MLXIPL: variants seen among roughly 807,000 people sequenced by gnomAD.
The protein encoded by MLXIPL is carbohydrate-responsive element-binding protein.
MLXIPL carries 49 observed loss-of-function variants against 81.5 expected under a neutral mutation model. That is an observed-to-expected ratio of 0.60 (90% CI 0.48 to 0.76). The LOEUF is 0.76. Among genes scored for constraint, MLXIPL ranks in the 30% least tolerant of loss-of-function variants. The pLI, the probability that MLXIPL is intolerant of heterozygous loss-of-function variation, is 0.00. For synonymous variants in MLXIPL, 466 were observed against 485.5 expected, an observed-to-expected ratio of 0.96 and a Z score of 0.53; for missense variants, 1,053 against 1,167.0, an observed-to-expected ratio of 0.90 and a Z score of 1.42.
Position 73,597,526 on chromosome 7 carries a change from G to A in MLXIPL, c.1259C>T (p.Pro420Leu). Residue 420 changes from proline (P) to leucine (L), a missense_variant, in exon 9 of 17, where the codon CCA (proline) becomes CTA (leucine). Pro to Leu is a moderately conservative substitution (Grantham distance 98). This residue lies in a region of MLXIPL where 823 missense variants were observed against 933.0 expected (regional missense o/e 0.88). Coordinates refer to ENST00000313375, the MANE Select transcript of MLXIPL (RefSeq NM_032951.3). ...CPPPPFPPMA[P>L]PTALLQEEPL... Reference sequence around the variant, plus strand: ...CTCTTCCTGCAGCAAAGCAGTGGGTGGTGCCATGGGAGGGAAGGGAGGTGG... The same window carrying A: ...CTCTTCCTGCAGCAAAGCAGTGGGTAGTGCCATGGGAGGGAAGGGAGGTGG... 3.6e-6 allele frequency: 5 copies of A among 1,388,692 alleles called. No individual in the cohort carries two copies. The highest frequency in any genetic ancestry group is 4.7e-6 in the Non-Finnish European group (5 of 1,068,824). 86.0% of individuals were successfully genotyped at this position (1,388,692 alleles called of 1,614,324 possible).
chr7:73,636,087 A>G, the MLXIPL span, among the ~76,000 whole-genome samples: 1 of 152,126 alleles, frequency 6.6e-6, no homozygotes, highest in Non-Finnish European at 1.5e-5. Flanking sequence ...GGCTCTCTAG[A>G]AGAAACTGTG....
At position 73,624,465 on chromosome 7, in the gene MLXIPL, C is replaced by A; in HGVS notation, c.28G>T (p.Ala10Ser). 1 of 1,543,064 alleles carries A rather than the reference C, an allele frequency of 6.5e-7. No homozygotes were observed. The highest frequency in any genetic ancestry group is 8.7e-7 in the Non-Finnish European group (1 of 1,152,414). The change falls in exon 1 of 17, where the codon GCG (alanine) becomes TCG (serine). Residue 10 changes from alanine (A) to serine (S), a missense_variant. Ala to Ser is a moderately conservative substitution (Grantham distance 99). Around this residue, in one of 3 missense-constraint regions of MLXIPL, gnomAD observed 226 missense variants for 216.2 expected, o/e 1.05. Coordinates refer to ENST00000313375, the MANE Select transcript of MLXIPL (RefSeq NM_032951.3). MAGALAGLAAGLQVPRVAPS... is the reference protein window; with the variant it reads MAGALAGLASGLQVPRVAPS... ...GCGACCCGCGGGACCTGCAAGCCCG[C>A]GGCCAGACCTGCCAGCGCGCCGGCC...
intron 1 of MLXIPL, among the ~76,000 whole-genome samples, chr7:73,622,742 C>T (rs1482657279): frequency 6.6e-6 from 1 of 150,552 alleles, no homozygotes; most frequent in Admixed American, 6.6e-5. Flanking sequence ...GAGTCAGCCT[C>T]TGGGTGGGGG....
At chr7:73,632,774 C>A in the MLXIPL span, among the ~76,000 whole-genome samples, 2 of 150,264 alleles carry the variant, frequency 1.3e-5, no homozygotes, top group African/African-American at 2.5e-5. Context: ...TTCCTTCCTT[C>A]CTTCCTTCCT....
chr7:73,632,861 C>A, the MLXIPL span, among the ~76,000 whole-genome samples: 1 of 146,984 alleles, frequency 6.8e-6, no homozygotes, highest in Non-Finnish European at 1.5e-5. Context: ...CTCACTGCAA[C>A]CTCCGCCTCC....
chr7:73,596,097 G>A lies in MLXIPL; in HGVS notation c.2058+56C>T. ...CCTGCAATTGAGTTTTGGGTGGGGG[G>A]GGTCCAGAAAGGGGCCCTGTGGTTT... On this transcript the variant is annotated intron_variant, in intron 13 of 16. Coordinates refer to ENST00000313375, the MANE Select transcript of MLXIPL (RefSeq NM_032951.3). This position sits in a 1 kb window ranked among gnomAD's most constrained non-coding sequence, Gnocchi z 4.7. 1.2e-6 allele frequency: 2 copies of A among 1,601,526 alleles called. No individual in the cohort carries two copies. Among genetic ancestry groups the A allele is most frequent in the South Asian group, 1.1e-5 (1 of 90,572 alleles).
Position 73,594,257 on chromosome 7 carries a change from G to C in MLXIPL, c.2440+17C>G. ...GAGGCTGGGTCCCTCTAGCAGGCAG[G>C]GAGATGGCTCACGTACTTGGCCGGA... On this transcript the variant is annotated intron_variant, in intron 16 of 16. Coordinates refer to ENST00000313375, the MANE Select transcript of MLXIPL (RefSeq NM_032951.3). The C allele has an allele frequency of 6.2e-7, 1 of 1,611,348 alleles. No individual in the cohort carries two copies. Among genetic ancestry groups the C allele is most frequent in the South Asian group, 1.1e-5 (1 of 91,062 alleles).
At chr7:73,632,442 C>T in the MLXIPL span, among the ~76,000 whole-genome samples, 1 of 152,282 alleles carries the variant, frequency 6.6e-6, no homozygotes, top group Non-Finnish European at 1.5e-5. Flanking sequence ...ACCGACTTTG[C>T]ACCCATATAC....
chr7:73,618,142 G>A (rs72649048), intron 1 of MLXIPL, among the ~76,000 whole-genome samples: 166 of 152,316 alleles, frequency 1.1e-3, no homozygotes, highest in Non-Finnish European at 1.2e-3. Flanking sequence ...TGCCACCCAG[G>A]TTGGAGTGCA....
Position 73,597,372 on chromosome 7 carries a change from G to A in MLXIPL, c.1413C>T (p.Pro471=), listed in dbSNP as rs959088840. The A allele has an allele frequency of 1.1e-4, 162 of 1,467,912 alleles. No individual in the cohort carries two copies. Among genetic ancestry groups the A allele is most frequent in the Non-Finnish European group, 1.4e-4 (159 of 1,105,472 alleles). 90.9% of individuals were successfully genotyped at this position (1,467,912 alleles called of 1,614,324 possible). Residue 471 remains proline (P), a synonymous_variant, in exon 9 of 17, where the codon CCC becomes CCT. Coordinates refer to ENST00000313375, the MANE Select transcript of MLXIPL (RefSeq NM_032951.3). Reference sequence around the variant, plus strand: ...AATACCCCAAGGGTAGAAGCTCTATGGGGAAGGGGGTGGGGGCTGGGCTGG... The same window carrying A: ...AATACCCCAAGGGTAGAAGCTCTATAGGGAAGGGGGTGGGGGCTGGGCTGG... The part of the protein sequence containing the change: ...SVPSPAPTPF[P]IELLPLGYSE...
upstream of MLXIPL, among the ~76,000 whole-genome samples, chr7:73,624,776 G>A (rs1366553046): frequency 3.9e-5 from 6 of 152,170 alleles, no homozygotes; most frequent in Non-Finnish European, 5.9e-5. Context: ...GAAAGGTCAG[G>A]CCGGACGCCA....
chr7:73,636,093 C>A, the MLXIPL span, among the ~76,000 whole-genome samples: 1 of 152,154 alleles, frequency 6.6e-6, no homozygotes, highest in Non-Finnish European at 1.5e-5. Context: ...CTAGAAGAAA[C>A]TGTGCTTGAG....
Position 73,593,804 on chromosome 7 carries a change from G to T in MLXIPL, c.*61C>A. 1.4e-6 allele frequency: 2 copies of T among 1,381,382 alleles called. No homozygotes were observed. Among genetic ancestry groups the T allele is most frequent in the Non-Finnish European group, 2.1e-6 (2 of 968,920 alleles). 85.6% of individuals were successfully genotyped at this position (1,381,382 alleles called of 1,614,324 possible). ...GGAGTGCCCAGAGATGATCCCTGGA[G>T]CCCGTGCCCAGGGAAAGCAGCCCCC... On this transcript the variant is annotated 3_prime_UTR_variant, in exon 17 of 17. Coordinates refer to ENST00000313375, the MANE Select transcript of MLXIPL (RefSeq NM_032951.3).
At chr7:73,625,397 GCCCAAGGTAATGC>G (rs1796679859), upstream of MLXIPL, among the ~76,000 whole-genome samples, 1 of 152,154 alleles carries the variant, frequency 6.6e-6, no homozygotes, top group South Asian at 2.1e-4. Context: ...GATGTGGTAA[GCCCAAGGTAATGC>G]CCCTGAAGGG....
intron 1 of MLXIPL, among the ~76,000 whole-genome samples, chr7:73,618,690 A>C (rs1265027302): frequency 6.6e-6 from 1 of 150,710 alleles, no homozygotes; most frequent in Non-Finnish European, 1.5e-5. Context: ...GAATTAGATA[A>C]ACACCATCTG....
chr7:73,619,328 G>A (rs996041722), intron 1 of MLXIPL, among the ~76,000 whole-genome samples: 1 of 152,072 alleles, frequency 6.6e-6, no homozygotes, highest in Admixed American at 6.6e-5. Context: ...GGACGTGGTG[G>A]CAGGCGTCTG....
intron 2 of MLXIPL, among the ~76,000 whole-genome samples, chr7:73,612,699 C>T (rs1441272738): frequency 6.6e-6 from 1 of 151,662 alleles, no homozygotes; most frequent in African/African-American, 2.4e-5. Context: ...CCAAGTGAAG[C>T]CCCCCTCCCC....
Position 73,595,775 on chromosome 7 carries a change from G to A in MLXIPL, c.2187-15C>T. The A allele has an allele frequency of 1.3e-6, 2 of 1,582,512 alleles. No homozygotes were observed. Among genetic ancestry groups the A allele is most frequent in the Non-Finnish European group, 1.7e-6 (2 of 1,164,102 alleles). On this transcript the variant is annotated splice_polypyrimidine_tract_variant and intron_variant, in intron 14 of 16. Transcript: ENST00000313375. Reference sequence around the variant, plus strand: ...GCTGGCACAGGCTGGGGGCAGGGCAGGGGTCAGGGGCTGGGGGTAAGGCGG... The same window carrying A: ...GCTGGCACAGGCTGGGGGCAGGGCAAGGGTCAGGGGCTGGGGGTAAGGCGG...
rs782302997 is a variant in MLXIPL, at chr7:73,624,255, G to A, written c.238C>T (p.Arg80Cys). The A allele has an allele frequency of 2.5e-5, 40 of 1,596,140 alleles. No homozygotes were observed. Among genetic ancestry groups the A allele is most frequent in the Non-Finnish European group, 3.3e-5 (39 of 1,172,600 alleles). ...CGTGTGAGTGTGGGGTCGATACTGC[G>A]CGGCCCGAAGTCGGAGGGCCCCACG... is the stretch of plus-strand genomic sequence containing the variant. The part of the protein sequence containing the change: ...GSVGPSDFGP[R>C]SIDPTLTRLF... Residue 80 changes from arginine (R) to cysteine (C), a missense_variant, in exon 1 of 17, where the codon CGC becomes TGC. By Grantham distance (180) the Arg-to-Cys change is radical. Around this residue, in one of 3 missense-constraint regions of MLXIPL, gnomAD observed 226 missense variants for 216.2 expected, o/e 1.05. Transcript: ENST00000313375.
Sources: gnomAD v4.1 joint callset for allele counts (sites outside exome capture counted in the v4.1 genomes callset) on GRCh38, gnomAD v4.1.1 for gene constraint, gnomAD v4.1.1 regional missense constraint, Gnocchi (gnomAD v3.1) non-coding constraint, MANE v1.5 for transcripts, NCBI Gene and HGNC (gene_info 2026-07-23, HGNC 2026-07-21) for gene names.